CACNB2: variants seen among roughly 807,000 people sequenced by gnomAD.
CACNB2 encodes the protein voltage-dependent L-type calcium channel subunit beta-2.
Under a neutral mutation model 73.3 loss-of-function variants are expected in CACNB2, and 42 were observed. The observed-to-expected ratio is 0.57, with a 90% CI of 0.45 to 0.74. The LOEUF (loss-of-function observed/expected upper bound fraction) is 0.74, where lower values mean the gene tolerates loss of function less well. Ranked by LOEUF, CACNB2 falls within the 30% of genes least tolerant of loss-of-function variation. The pLI, the probability that CACNB2 is intolerant of heterozygous loss-of-function variation, is 0.00. For missense variants in CACNB2, 940 were observed against 853.0 expected (o/e 1.10, Z -1.27); for synonymous variants, 348 against 310.3 (o/e 1.12, Z -1.28).
chr10:18,215,798 C>T (rs1193003419), intron 2 of CACNB2, among the ~76,000 whole-genome samples: 1 of 152,136 alleles, frequency 6.6e-6, no homozygotes, highest in African/African-American at 2.4e-5. Flanking sequence ...CCCTCCACTG[C>T]CCACTCCCAA....
intron 2 of CACNB2, among the ~76,000 whole-genome samples, chr10:18,336,382 G>C (rs1311372008): frequency 6.6e-6 from 1 of 152,196 alleles, no homozygotes; most frequent in East Asian, 1.9e-4. Context: ...ACTTTGGGAG[G>C]CCAAGGTGGG....
In CACNB2 at chr10:18,336,846, C is replaced by T. The variant is rs554224848; in HGVS notation, c.214-65078C>T. The stretch of plus-strand genomic sequence containing the variant: ...TAATTTCCCTAGAAAATTAGATAAT[C>T]CTTGGTTGCGTGTTAGACACTTAAA... On this transcript the variant is annotated intron_variant, in intron 2 of 13. Transcript: ENST00000324631. Among the ~76,000 whole-genome samples, 97 of 152,212 alleles carry T rather than the reference C, an allele frequency of 6.4e-4. 1 individual carries two copies. Among genetic ancestry groups the T allele is most frequent in the Admixed American group, 6.3e-3 (97 of 15,294 alleles).
At chr10:18,443,983 G>A (rs995132041) in intron 3 of CACNB2, among the ~76,000 whole-genome samples, 4 of 152,154 alleles carry the variant, frequency 2.6e-5, no homozygotes, top group African/African-American at 7.2e-5. Flanking sequence ...CCGAAGTGCT[G>A]GAATTACAGG....
At chr10:18,442,792 T>C (rs2046479275) in intron 3 of CACNB2, among the ~76,000 whole-genome samples, 1 of 148,388 alleles carries the variant, frequency 6.7e-6, no homozygotes, top group South Asian at 2.2e-4. Flanking sequence ...GCCATTGCAC[T>C]CCAGCCTGGT....
At chr10:18,535,970 C>A in intron 11 of CACNB2, 131 bp from the exon 12 acceptor site, 1 of 640,074 alleles carries the variant, frequency 1.6e-6, no homozygotes, top group Non-Finnish European at 2.8e-6. Context: ...TGCAGATAAT[C>A]TTATAGCTCC....
chr10:18,248,672 C>T (rs1201247549), intron 2 of CACNB2, among the ~76,000 whole-genome samples: 1 of 152,212 alleles, frequency 6.6e-6, no homozygotes, highest in East Asian at 1.9e-4. Flanking sequence ...TCCAATATCA[C>T]TCTCTGAGAA....
chr10:18,357,872 C>T (rs1191332679), intron 2 of CACNB2, among the ~76,000 whole-genome samples: 1 of 152,142 alleles, frequency 6.6e-6, no homozygotes, highest in East Asian at 1.9e-4. Context: ...CAGTACCTTT[C>T]TGGAACACTC....
intron 2 of CACNB2, among the ~76,000 whole-genome samples, chr10:18,244,709 G>C (rs2036793999): frequency 6.6e-6 from 1 of 152,254 alleles, no homozygotes; most frequent in African/African-American, 2.4e-5. Context: ...TGGGGCACTA[G>C]AGTAGGCTGA....
chr10:18,140,826 T>C lies in CACNB2; in HGVS notation c.90T>C (p.Ala30=). ...EIQMELLENV[A]PAGALGAAAQ... is the part of the protein sequence containing the mutation. ...AGATGGAACTGCTAGAGAACGTGGCTCCCGCGGGGGCGCTCGGAGCCGCCG... is the reference window on the plus strand; with the variant it reads ...AGATGGAACTGCTAGAGAACGTGGCCCCCGCGGGGGCGCTCGGAGCCGCCG... The change falls in exon 1 of 14, where the codon GCT becomes GCC. Residue 30 remains alanine, a synonymous_variant. Transcript: ENST00000324631. 1 of 1,604,052 alleles carries C rather than the reference T, an allele frequency of 6.2e-7. No individual in the cohort carries two copies. The highest frequency in any genetic ancestry group is 8.5e-7 in the Non-Finnish European group (1 of 1,176,834).
intron 10 of CACNB2, among the ~76,000 whole-genome samples, chr10:18,532,690 A>C (rs1453982676): frequency 3.4e-5 from 2 of 58,672 alleles, no homozygotes; most frequent in Admixed American, 1.4e-4. Flanking sequence ...AAAAAAAAAA[A>C]AAAAAACAAA....
chr10:18,409,791 T>C (rs1449444928), intron 3 of CACNB2, among the ~76,000 whole-genome samples: 1 of 152,158 alleles, frequency 6.6e-6, no homozygotes, highest in African/African-American at 2.4e-5. Context: ...TGTCTTGCTC[T>C]ATTGGACCGC....
chr10:18,507,264 G>A (rs1025452212), intron 6 of CACNB2, among the ~76,000 whole-genome samples: 4 of 152,180 alleles, frequency 2.6e-5, no homozygotes, highest in Non-Finnish European at 5.9e-5. Context: ...GAAGATAGAG[G>A]ATTGGCCTGT....
At chr10:18,217,419 G>A (rs1184752999) in intron 2 of CACNB2, among the ~76,000 whole-genome samples, 2 of 152,116 alleles carry the variant, frequency 1.3e-5, no homozygotes, top group Non-Finnish European at 2.9e-5. Flanking sequence ...AGGAGGCAGA[G>A]GTTGCAGTGA....
intron 2 of CACNB2, among the ~76,000 whole-genome samples, chr10:18,211,226 G>T (rs946983678): frequency 6.6e-6 from 1 of 152,108 alleles, no homozygotes; most frequent in Non-Finnish European, 1.5e-5. Flanking sequence ...AGAGAAAGCC[G>T]GGTACTCAGT....
intron 2 of CACNB2, among the ~76,000 whole-genome samples, chr10:18,300,343 G>A (rs549156675): frequency 6.6e-6 from 1 of 152,232 alleles, no homozygotes; most frequent in African/African-American, 2.4e-5. Flanking sequence ...TAATATCTCT[G>A]TATGTCTGTT....
At chr10:18,214,761 T>C (rs73595550) in intron 2 of CACNB2, among the ~76,000 whole-genome samples, 8,929 of 152,012 alleles carry the variant, frequency 0.059, 387 homozygotes, top group African/African-American at 0.11. Context: ...GGTGAGAGTT[T>C]GGGGCCGTTG....
intron 5 of CACNB2, among the ~76,000 whole-genome samples, chr10:18,501,541 T>G (rs1036151968): frequency 6.6e-6 from 1 of 152,266 alleles, no homozygotes; most frequent in African/African-American, 2.4e-5. Flanking sequence ...TTTGTGAGGT[T>G]GTCTGTCCCT....
chr10:18,426,133 A>T (rs1472951775), intron 3 of CACNB2, among the ~76,000 whole-genome samples: 1 of 152,230 alleles, frequency 6.6e-6, no homozygotes, highest in Non-Finnish European at 1.5e-5. Flanking sequence ...AAAAAAGAAA[A>T]AGAAAAAACA....
At chr10:18,440,718 A>T (rs1163356029) in intron 3 of CACNB2, among the ~76,000 whole-genome samples, 1 of 152,064 alleles carries the variant, frequency 6.6e-6, no homozygotes. Context: ...GTCCATGTGG[A>T]TATTTGAGGA....
Sources: gnomAD v4.1 joint callset for allele counts (sites outside exome capture counted in the v4.1 genomes callset) on GRCh38, gnomAD v4.1.1 for gene constraint, MANE v1.5 for transcripts, NCBI Gene and HGNC (gene_info 2026-07-23, HGNC 2026-07-21) for gene names.